The following GULP1 variants were observed in gnomAD, a reference collection of about 807,000 sequenced individuals.
GULP1 encodes the protein PTB domain-containing engulfment adapter protein 1.
A neutral mutation model predicts 40.9 loss-of-function variants in GULP1; 19 were observed. The observed-to-expected ratio is 0.46, with a 90% CI of 0.32 to 0.68. The LOEUF is 0.68. GULP1 is among the 30% of genes least tolerant of loss of function. The probability of loss-of-function intolerance (pLI) is 0.03; values close to 1 mark genes in which losing one functional copy is unlikely to be tolerated. For missense variants in GULP1, 312 were observed against 362.2 expected (o/e 0.86, Z 1.12); for synonymous variants, 119 against 117.6 (o/e 1.01, Z -0.08).
intron 11 of GULP1, chr2:188,593,644 G>A (rs189219166): frequency 4.5e-4 from 83 of 185,944 alleles, no homozygotes; most frequent in African/African-American, 1.8e-3. Flanking sequence ...ATAGAATGAT[G>A]TAGTAACTAG....
chr2:188,515,405 C>T (rs769190698), intron 4 of GULP1, among the ~76,000 whole-genome samples: 3 of 152,210 alleles, frequency 2.0e-5, no homozygotes, highest in Middle Eastern at 3.4e-3. Context: ...CAGGATCTCC[C>T]GAATCCACAT....
At chr2:188,446,346 A>G (rs1185814945) in intron 2 of GULP1, among the ~76,000 whole-genome samples, 1 of 152,118 alleles carries the variant, frequency 6.6e-6, no homozygotes, top group Non-Finnish European at 1.5e-5. Flanking sequence ...CCCTGGAACC[A>G]TTGACTTTCT....
chr2:188,489,482 A>G (rs2062160116), intron 4 of GULP1, among the ~76,000 whole-genome samples: 1 of 152,094 alleles, frequency 6.6e-6, no homozygotes, highest in Non-Finnish European at 1.5e-5. Flanking sequence ...ATGACCTTTA[A>G]AAAACATTTT....
intron 1 of GULP1, among the ~76,000 whole-genome samples, chr2:188,337,978 C>T (rs899726558): frequency 6.6e-6 from 1 of 151,982 alleles, no homozygotes; most frequent in African/African-American, 2.4e-5. Flanking sequence ...AATTTCTGGA[C>T]AAAAATGAAC....
At chr2:188,551,615 A>G (rs1693467006) in intron 7 of GULP1, among the ~76,000 whole-genome samples, 1 of 151,806 alleles carries the variant, frequency 6.6e-6, no homozygotes, top group African/African-American at 2.4e-5. Flanking sequence ...GCTATTGTGA[A>G]TAGTGCTGAA....
At chr2:188,526,780 T>G (rs909303461) in intron 5 of GULP1, among the ~76,000 whole-genome samples, 1 of 152,146 alleles carries the variant, frequency 6.6e-6, no homozygotes, top group African/African-American at 2.4e-5. Context: ...GAAAATATAT[T>G]GTATAAAAGA....
chr2:188,374,019 A>G (rs551853960), intron 1 of GULP1, among the ~76,000 whole-genome samples: 8 of 152,168 alleles, frequency 5.3e-5, no homozygotes, highest in African/African-American at 1.9e-4. Context: ...AATTTGATGA[A>G]AAACTATGTG....
chr2:188,415,296 T>G (rs1291512870), intron 2 of GULP1, among the ~76,000 whole-genome samples: 1 of 152,154 alleles, frequency 6.6e-6, no homozygotes, highest in African/African-American at 2.4e-5. Flanking sequence ...GGTTCCTATA[T>G]CTCAGGGCTA....
intron 1 of GULP1, among the ~76,000 whole-genome samples, chr2:188,380,541 C>A (rs187477290): frequency 1.3e-3 from 196 of 151,940 alleles, no homozygotes; most frequent in African/African-American, 4.4e-3. Context: ...CTTAAAGTCA[C>A]AGGACAAACA....
rs112789086 is a variant in GULP1 at position 188,552,939 on chromosome 2, A to G, written c.399+11621A>G. 4.5e-3 allele frequency among the ~76,000 whole-genome samples: 681 copies of G among 151,132 alleles called. 7 individuals are homozygous for G. The highest frequency in any genetic ancestry group is 0.016 in the African/African-American group (649 of 41,298). ...TATATACGTATATATATGCATGTGT[A>G]TACTTATTGCGCTATTGTAAATGAG... On this transcript the variant is annotated intron_variant, in intron 7 of 11. Transcript: ENST00000409830.
intron 2 of GULP1, among the ~76,000 whole-genome samples, chr2:188,390,465 G>GT (rs986027030): frequency 6.6e-6 from 1 of 151,650 alleles, no homozygotes; most frequent in Non-Finnish European, 1.5e-5. Context: ...GGGATTATTT[G>GT]TTTTTTTCTT....
At chr2:188,308,124 T>TC (rs36134896) in intron 1 of GULP1, among the ~76,000 whole-genome samples, 1 of 125,990 alleles carries the variant, frequency 7.9e-6, no homozygotes, top group African/African-American at 3.3e-5. Context: ...TTTTTTTTTT[T>TC]CCCCCGGTGG....
At chr2:188,579,958 C>G (rs1700924918) in intron 9 of GULP1, among the ~76,000 whole-genome samples, 1 of 152,088 alleles carries the variant, frequency 6.6e-6, no homozygotes, top group African/African-American at 2.4e-5. Context: ...TAGATAATAT[C>G]AAGGACAACT....
At chr2:188,441,281 A>C (rs186207828) in intron 2 of GULP1, among the ~76,000 whole-genome samples, 32 of 152,304 alleles carry the variant, frequency 2.1e-4, no homozygotes, top group African/African-American at 7.5e-4. Flanking sequence ...GAAACTATAT[A>C]TCTGGCTTTC....
chr2:188,589,868 C>T, intron 11 of GULP1: 1 of 476,832 alleles, frequency 2.1e-6, no homozygotes, highest in Non-Finnish European at 3.7e-6. Context: ...ATGGGTATAT[C>T]TGATAATTAG....
chr2:188,320,093 A>T (rs2039743524), intron 1 of GULP1, among the ~76,000 whole-genome samples: 1 of 152,066 alleles, frequency 6.6e-6, no homozygotes, highest in Non-Finnish European at 1.5e-5. Flanking sequence ...GATGTTGTCA[A>T]ATGTCCCTGG....
rs1027126610 is a variant in GULP1 at position 188,410,224 on chromosome 2, A to G, written c.-45+26335A>G. 2.6e-5 allele frequency among the ~76,000 whole-genome samples: 4 copies of G among 152,178 alleles called. No homozygotes were observed. In the East Asian group the frequency reaches 5.8e-4, roughly 22 times the overall value. On this transcript the variant is annotated intron_variant, in intron 2 of 11. Coordinates refer to ENST00000409830, the MANE Select transcript of GULP1 (RefSeq NM_016315.4). The stretch of plus-strand genomic sequence containing the variant: ...CTCAAAATGATTTAAAGACTCAAAC[A>G]TAAGACCTCAGACTATAAAACTACT...
intron 1 of GULP1, among the ~76,000 whole-genome samples, chr2:188,366,945 C>T (rs952535032): frequency 2.0e-5 from 3 of 152,120 alleles, no homozygotes; most frequent in African/African-American, 7.2e-5. Context: ...GCATATGCTC[C>T]TTAACTTGTA....
intron 9 of GULP1, 126 bp from the exon 10 acceptor site, chr2:188,584,138 CA>C (rs2153461498): frequency 1.6e-6 from 1 of 616,614 alleles, no homozygotes; most frequent in South Asian, 3.7e-5. Context: ...TTTTGGTCTA[CA>C]AAATGGCAAA....
Sources: allele counts gnomAD v4.1 joint callset (sites outside exome capture counted in the v4.1 genomes callset), GRCh38; gene constraint gnomAD v4.1.1; transcripts MANE v1.5; gene names NCBI Gene and HGNC (gene_info 2026-07-23, HGNC 2026-07-21).